The following DCDC1 variants were observed in gnomAD, a reference collection of about 807,000 sequenced individuals.
The protein encoded by DCDC1 is doublecortin domain-containing protein 1.
In DCDC1, 200 loss-of-function variants were observed where a neutral mutation model predicts 178.3. The observed-to-expected ratio is 1.12, with a 90% confidence interval of 1.00 to 1.26. The LOEUF (loss-of-function observed/expected upper bound fraction) is 1.26, where lower values mean the gene tolerates loss of function less well. Among genes scored for constraint, DCDC1 ranks in the 50% most tolerant of loss-of-function variants. The pLI, the probability that DCDC1 is intolerant of heterozygous loss-of-function variation, is 0.00. For missense variants in DCDC1, 1,983 were observed against 1,749.2 expected, an observed-to-expected ratio of 1.13 and a Z score of -2.38; for synonymous variants, 690 against 604.8, an observed-to-expected ratio of 1.14 and a Z score of -2.07.
chr11:31,323,120 A>G (rs973393429), intron 3 of DCDC1, among the ~76,000 whole-genome samples: 5 of 152,136 alleles, frequency 3.3e-5, no homozygotes, highest in African/African-American at 1.2e-4. Flanking sequence ...TGGAGTTTTT[A>G]TTTTCCCTCT....
At chr11:31,222,050 T>G (rs993244177) in intron 9 of DCDC1, among the ~76,000 whole-genome samples, 1 of 152,094 alleles carries the variant, frequency 6.6e-6, no homozygotes, top group Non-Finnish European at 1.5e-5. Flanking sequence ...CCTCTAGTTT[T>G]TTGTTTTGTT....
At chr11:30,903,709 T>C in intron 31 of DCDC1, 26 bp from the exon 32 acceptor site, 2 of 1,551,502 alleles carry the variant, frequency 1.3e-6, no homozygotes, top group Non-Finnish European at 1.7e-6. Context: ...AGTAAGGATC[T>C]GACAGGCAAA....
At chr11:31,281,182 C>T (rs923274571) in intron 7 of DCDC1, among the ~76,000 whole-genome samples, 12 of 152,094 alleles carry the variant, frequency 7.9e-5, no homozygotes, top group Admixed American at 7.9e-4. Flanking sequence ...GTTCTTATCA[C>T]ATTGTCTATA....
intron 2 of DCDC1, among the ~76,000 whole-genome samples, chr11:31,328,753 G>T (rs1241509014): frequency 6.7e-6 from 1 of 149,752 alleles, no homozygotes; most frequent in African/African-American, 2.5e-5. Context: ...GGAGCTTGCA[G>T]TGCGGTGAGA....
At chr11:31,155,749 G>C (rs208099) in intron 9 of DCDC1, among the ~76,000 whole-genome samples, 91,859 of 152,084 alleles carry the variant, frequency 0.6, 28,085 homozygotes, top group East Asian at 0.93. Context: ...CTCCCATGAG[G>C]CAGCAAGTTA....
intron 20 of DCDC1, among the ~76,000 whole-genome samples, chr11:31,044,676 T>G (rs556415964): frequency 1.3e-5 from 2 of 152,154 alleles, no homozygotes; most frequent in East Asian, 3.9e-4. Context: ...CTGGAATGAT[T>G]TGGAAGCTGA....
chr11:31,332,990 C>T (rs1045852532), intron 2 of DCDC1, among the ~76,000 whole-genome samples: 1 of 152,148 alleles, frequency 6.6e-6, no homozygotes, highest in Non-Finnish European at 1.5e-5. Context: ...GTGTTAAAGT[C>T]TCCCATTATT....
chr11:30,868,901 T>A (rs1018973157), intron 38 of DCDC1, among the ~76,000 whole-genome samples: 1 of 152,234 alleles, frequency 6.6e-6, no homozygotes, highest in African/African-American at 2.4e-5. Context: ...GAATTCTGGG[T>A]GCTCTGTGGG....
At chr11:30,974,593 G>A (rs1590623428) in intron 20 of DCDC1, among the ~76,000 whole-genome samples, 6 of 151,892 alleles carry the variant, frequency 4.0e-5, no homozygotes, top group Admixed American at 3.3e-4. Flanking sequence ...CTATACATTC[G>A]CAAACTGGAA....
intron 36 of DCDC1, among the ~76,000 whole-genome samples, chr11:30,888,604 C>T (rs1312415780): frequency 2.6e-5 from 4 of 152,102 alleles, no homozygotes; most frequent in Non-Finnish European, 5.9e-5. Flanking sequence ...GTAATCCCAG[C>T]TACTCAGAAG....
chr11:31,309,573 C>G (rs1948649147), intron 3 of DCDC1, among the ~76,000 whole-genome samples: 2 of 152,256 alleles, frequency 1.3e-5, no homozygotes, highest in Non-Finnish European at 2.9e-5. Flanking sequence ...GAAAGAATCA[C>G]AGATTTCATA....
At chr11:30,866,838 G>A (rs1168170406) in intron 38 of DCDC1, among the ~76,000 whole-genome samples, 5 of 152,106 alleles carry the variant, frequency 3.3e-5, no homozygotes, top group African/African-American at 1.2e-4. Flanking sequence ...GGGAAGTGGG[G>A]CATTTTGAGA....
intron 7 of DCDC1, among the ~76,000 whole-genome samples, chr11:31,285,151 A>C (rs1946727552): frequency 6.6e-6 from 1 of 152,018 alleles, no homozygotes; most frequent in African/African-American, 2.4e-5. Flanking sequence ...TCAATTATAT[A>C]TAGAAATTCA....
At chr11:30,888,109 AGAAAGAAAG>A (rs1943415747) in intron 36 of DCDC1, among the ~76,000 whole-genome samples, 1 of 114,900 alleles carries the variant, frequency 8.7e-6, no homozygotes, top group South Asian at 2.7e-4. Context: ...AAAGAAAGAA[AGAAAGAAAG>A]AAAGAAAGAA....
At chr11:31,043,231 T>C (rs1454488047) in intron 20 of DCDC1, among the ~76,000 whole-genome samples, 1 of 152,194 alleles carries the variant, frequency 6.6e-6, no homozygotes, top group Non-Finnish European at 1.5e-5. Flanking sequence ...CCTTATGCTG[T>C]GTAATTGAGA....
intron 21 of DCDC1, among the ~76,000 whole-genome samples, chr11:30,944,756 T>C (rs1207435422): frequency 2.6e-5 from 4 of 152,232 alleles, no homozygotes; most frequent in African/African-American, 9.6e-5. Flanking sequence ...CATAGTCAAC[T>C]TGTCTATCTT....
At chr11:31,268,712 T>C (rs940402244) in intron 7 of DCDC1, among the ~76,000 whole-genome samples, 5 of 152,194 alleles carry the variant, frequency 3.3e-5, no homozygotes, top group South Asian at 2.1e-4. Context: ...TTTGGCAGAA[T>C]GATTTTTCTT....
chr11:31,077,949 G>A (rs1475924639), intron 17 of DCDC1, 24 bp from the exon 18 acceptor site: 1 of 765,066 alleles, frequency 1.3e-6, no homozygotes, highest in South Asian at 1.3e-5. Flanking sequence ...GTAATTTAGA[G>A]ATTGACATCT....
At chr11:31,085,994 A>G (rs939279916) in intron 17 of DCDC1, among the ~76,000 whole-genome samples, 1 of 151,998 alleles carries the variant, frequency 6.6e-6, no homozygotes, top group Non-Finnish European at 1.5e-5. Flanking sequence ...CAGCCTCCCA[A>G]AGTTCTGGGA....
Sources: allele counts gnomAD v4.1 joint callset (sites outside exome capture counted in the v4.1 genomes callset), GRCh38; gene constraint gnomAD v4.1.1; transcripts MANE v1.5; gene names NCBI Gene and HGNC (gene_info 2026-07-23, HGNC 2026-07-21).